The following TLE1 variants were observed in gnomAD, a reference collection of about 807,000 sequenced individuals.
The protein encoded by TLE1 is transducin-like enhancer protein 1.
Under a neutral mutation model 89.8 loss-of-function variants are expected in TLE1, and 21 were observed. The observed-to-expected ratio is 0.23, with a 90% confidence interval of 0.17 to 0.34. The LOEUF is 0.34. Among genes scored for constraint, TLE1 ranks in the 10% least tolerant of loss-of-function variants. TLE1 has a pLI of 1.00. For synonymous variants in TLE1, 447 were observed against 407.6 expected (o/e 1.10, Z -1.16); for missense variants, 795 against 1,031.2 (o/e 0.77, Z 3.14).
chr9:81,650,764 T>G (rs1829439284), intron 6 of TLE1, among the ~76,000 whole-genome samples: 1 of 152,158 alleles, frequency 6.6e-6, no homozygotes, highest in Admixed American at 6.6e-5. Context: ...GAATTGTTTA[T>G]GCAGAGCTAA....
rs35060460 is a variant in TLE1, at chr9:81,675,698, G to GTTTTTTTTTTTTTT, written c.234+9977_234+9978insAAAAAAAAAAAAAA. 9.5e-3 allele frequency among the ~76,000 whole-genome samples: 1,227 copies of GTTTTTTTTTTTTTT among 129,374 alleles called. 126 individuals carry two copies. Among genetic ancestry groups the GTTTTTTTTTTTTTT allele is most frequent in the Non-Finnish European group, 0.013 (838 of 63,724 alleles). The allele number at this position is 129,374 out of a possible 152,430, so 84.9% of individuals were successfully genotyped here. On this transcript the variant is annotated intron_variant, in intron 4 of 19. Transcript: ENST00000376499. ...AATTTTAGCATAAGGACTCACACTA[G>GTTTTTTTTTTTTTT]TTTTTTTTTGTTTTTTTTTTTGAGA...
intron 14 of TLE1, among the ~76,000 whole-genome samples, chr9:81,595,822 A>C (rs1830124860): frequency 6.6e-6 from 1 of 151,848 alleles, no homozygotes; most frequent in Non-Finnish European, 1.5e-5. Context: ...CTCAAAAAAA[A>C]AAAAAAAAAA....
chr9:81,637,758 C>T (rs531931622), intron 6 of TLE1, among the ~76,000 whole-genome samples: 2 of 151,638 alleles, frequency 1.3e-5, no homozygotes, highest in African/African-American at 4.8e-5. Flanking sequence ...GTGGCCATTC[C>T]ACCTCATATT....
intron 6 of TLE1, among the ~76,000 whole-genome samples, chr9:81,643,430 T>C (rs1232221427): frequency 6.6e-6 from 1 of 151,754 alleles, no homozygotes; most frequent in African/African-American, 2.4e-5. Flanking sequence ...GAGATGGGGT[T>C]TCTCCATGTT....
intron 4 of TLE1, among the ~76,000 whole-genome samples, chr9:81,680,903 A>T (rs1338249853): frequency 1.3e-5 from 2 of 152,038 alleles, no homozygotes; most frequent in Non-Finnish European, 2.9e-5. Flanking sequence ...TCAAAGTGAG[A>T]AACTGTAGAC....
intron 4 of TLE1, among the ~76,000 whole-genome samples, chr9:81,684,025 C>T (rs1376066535): frequency 6.6e-6 from 1 of 151,868 alleles, no homozygotes; most frequent in Admixed American, 6.6e-5. Context: ...GGTGGTGTTC[C>T]CTTGTAAAAG....
At chr9:81,674,790 C>T (rs1437967860) in intron 4 of TLE1, among the ~76,000 whole-genome samples, 1 of 152,106 alleles carries the variant, frequency 6.6e-6, no homozygotes, top group Non-Finnish European at 1.5e-5. Context: ...CCTAATACAA[C>T]CACGCCAAAA....
chr9:81,600,013 T>G (rs1830703175), intron 14 of TLE1: 1 of 666,170 alleles, frequency 1.5e-6, no homozygotes, highest in Non-Finnish European at 2.8e-6. Flanking sequence ...GAGGAAGTAT[T>G]CCAGCCAAAG....
At chr9:81,641,764 T>G (rs1319842656) in intron 6 of TLE1, among the ~76,000 whole-genome samples, 1 of 152,216 alleles carries the variant, frequency 6.6e-6, no homozygotes, top group Non-Finnish European at 1.5e-5. Flanking sequence ...GGCTCACGCC[T>G]GTAATCCCAG....
chr9:81,620,135 G>C (rs906365310), intron 9 of TLE1, among the ~76,000 whole-genome samples: 1 of 144,054 alleles, frequency 6.9e-6, no homozygotes, highest in Non-Finnish European at 1.5e-5. Context: ...CAAGGGAGGC[G>C]GGGGGCCCGG....
At chr9:81,685,380 G>A (rs1322059885) in intron 4 of TLE1, among the ~76,000 whole-genome samples, 2 of 152,144 alleles carry the variant, frequency 1.3e-5, no homozygotes, top group Non-Finnish European at 2.9e-5. Context: ...CCTTTCAAGA[G>A]GATAAATCTA....
intron 9 of TLE1, 48 bp downstream of exon 9, chr9:81,620,381 TTGGATACTCAGG>T: frequency 1.6e-6 from 2 of 1,258,998 alleles, no homozygotes; most frequent in Non-Finnish European, 2.3e-6. Context: ...TAGAATATAC[TTGGATACTCAGG>T]TGAGCAGTAA....
chr9:81,651,317 G>A (rs1829501804), intron 6 of TLE1, among the ~76,000 whole-genome samples: 1 of 152,200 alleles, frequency 6.6e-6, no homozygotes, highest in African/African-American at 2.4e-5. Flanking sequence ...ACGAACACAT[G>A]AGAACCATCC....
In TLE1 at chr9:81,654,023, T is replaced by C; in HGVS notation, c.248A>G (p.Lys83Arg). 2 of 1,614,026 alleles carry C rather than the reference T, an allele frequency of 1.2e-6. No homozygotes were observed. Among genetic ancestry groups the C allele is most frequent in the Non-Finnish European group, 1.7e-6 (2 of 1,179,990 alleles). ...IEMHKQTEIA[K>R]RLNTICAQVI... ...TTGTGCACAAATCGTATTCAATCTC[T>C]TGGCGATTTCAGTCTATAAAGACAA... is the stretch of plus-strand genomic sequence containing the variant. Residue 83 changes from lysine (K) to arginine (R), a missense_variant, in exon 5 of 20, where the codon AAG (lysine) becomes AGG (arginine). Around this residue, in one of 4 missense-constraint regions of TLE1, gnomAD observed 66 missense variants for 118.7 expected, o/e 0.56. Coordinates refer to ENST00000376499, the MANE Select transcript of TLE1 (RefSeq NM_005077.5).
intron 4 of TLE1, among the ~76,000 whole-genome samples, chr9:81,683,470 C>T (rs916400695): frequency 6.6e-6 from 1 of 152,064 alleles, no homozygotes; most frequent in Non-Finnish European, 1.5e-5. Context: ...CAAAAAGCAT[C>T]AATTTGAGCT....
chr9:81,662,550 T>C (rs1830949198), intron 4 of TLE1, among the ~76,000 whole-genome samples: 1 of 151,490 alleles, frequency 6.6e-6, no homozygotes, highest in South Asian at 2.1e-4. Flanking sequence ...CAAAAAAAAT[T>C]AGCAGGGCAT....
chr9:81,600,756 T>C (rs1438828867), intron 14 of TLE1, among the ~76,000 whole-genome samples: 1 of 152,108 alleles, frequency 6.6e-6, no homozygotes, highest in East Asian at 1.9e-4. Flanking sequence ...TCTGAGGCTG[T>C]TTCTAGAAGA....
At chr9:81,644,639 A>C (rs920941794) in intron 6 of TLE1, among the ~76,000 whole-genome samples, 4 of 152,170 alleles carry the variant, frequency 2.6e-5, no homozygotes, top group African/African-American at 9.7e-5. Context: ...AAAATTTTAT[A>C]GTCGTGATGG....
intron 6 of TLE1, among the ~76,000 whole-genome samples, chr9:81,649,576 C>T (rs1014830764): frequency 6.6e-5 from 10 of 152,134 alleles, no homozygotes; most frequent in African/African-American, 1.2e-4. Context: ...ATGTCTAAAC[C>T]GTTAAATTAC....
Sources: allele counts gnomAD v4.1 joint callset (sites outside exome capture counted in the v4.1 genomes callset), GRCh38; gene constraint gnomAD v4.1.1; regional missense constraint gnomAD v4.1.1; transcripts MANE v1.5; gene names NCBI Gene and HGNC (gene_info 2026-07-23, HGNC 2026-07-21).